The following JADE3 variants were observed in gnomAD, a reference collection of about 807,000 sequenced individuals.
JADE3 encodes the protein protein Jade-3.
JADE3 carries 2 observed loss-of-function variants against 50.1 expected under a neutral mutation model. That is an observed-to-expected ratio of 0.04 (90% confidence interval 0.02 to 0.13). JADE3 has a LOEUF of 0.13. JADE3 is among the 10% of genes least tolerant of loss of function. The pLI, the probability that JADE3 is intolerant of heterozygous loss-of-function variation, is 1.00. For missense variants in JADE3, 475 were observed against 634.4 expected (o/e 0.75, Z 2.70); for synonymous variants, 218 against 232.9 (o/e 0.94, Z 0.58).
chrX:47,033,692 G>T lies in JADE3; in HGVS notation c.759G>T (p.Pro253=). 1.2e-5 allele frequency: 14 copies of T among 1,206,164 alleles called. No homozygotes were observed. The highest frequency in any genetic ancestry group is 1.6e-5 in the Non-Finnish European group (14 of 892,484). ...GCTCCTGTGTCCTGGGCATTTATCC[G>T]CAATGTGTGTTATGTCCAAAGAAAG... ...LCRSCVLGIY[P]QCVLCPKKGG... Residue 253 remains proline (P), a synonymous_variant, in exon 7 of 11, where the codon CCG becomes CCT. Coordinates refer to ENST00000614628, the MANE Select transcript of JADE3 (RefSeq NM_014735.5).
intron 4 of JADE3, among the ~76,000 whole-genome samples, chrX:47,013,251 C>T (rs781877765): frequency 4.0e-4 from 45 of 111,556 alleles, no homozygotes; most frequent in Non-Finnish European, 7.7e-4. Flanking sequence ...TGGCCTCAAG[C>T]AGTTATCCCA....
chrX:47,009,265 TGAGCCACTGCAGGCTGCAGA>T (rs2147142683), intron 4 of JADE3, among the ~76,000 whole-genome samples: 1 of 110,942 alleles, frequency 9.0e-6, no homozygotes, highest in East Asian at 2.9e-4. Flanking sequence ...GAGGCTGCAG[TGAGCCACTGCAGGCTGCAGA>T]GAGTACCACT....
chrX:47,010,503 A>G (rs1456826899), intron 4 of JADE3, among the ~76,000 whole-genome samples: 12 of 112,384 alleles, frequency 1.1e-4, no homozygotes, highest in Admixed American at 9.4e-4. Context: ...GGCGTGAGCC[A>G]CCGCGCCCGG....
At chrX:46,966,187 GAGGA>G (rs782729706) in intron 1 of JADE3, among the ~76,000 whole-genome samples, 1 of 112,248 alleles carries the variant, frequency 8.9e-6, no homozygotes, top group South Asian at 3.7e-4. Flanking sequence ...TGATGGCATA[GAGGA>G]AGGTGCCAAC....
intron 1 of JADE3, among the ~76,000 whole-genome samples, chrX:46,936,917 G>T (rs1000787554): frequency 9.0e-6 from 1 of 111,441 alleles, no homozygotes; most frequent in Non-Finnish European, 1.9e-5. Context: ...TGGCTTCATC[G>T]ATTTTTCTCT....
At chrX:46,948,020 C>T (rs952792223) in intron 1 of JADE3, among the ~76,000 whole-genome samples, 8 of 111,437 alleles carry the variant, frequency 7.2e-5, no homozygotes, top group Non-Finnish European at 1.3e-4. Flanking sequence ...TATCTGATAC[C>T]ACAACTGTAT....
At chrX:46,940,360 G>A (rs1556342031) in intron 1 of JADE3, among the ~76,000 whole-genome samples, 1 of 112,242 alleles carries the variant, frequency 8.9e-6, no homozygotes, top group Non-Finnish European at 1.9e-5. Flanking sequence ...AAAAGTTGGA[G>A]TTGTTTCTAC....
intron 7 of JADE3, among the ~76,000 whole-genome samples, chrX:47,038,275 T>C (rs1556368541): frequency 8.9e-6 from 1 of 111,732 alleles, no homozygotes; most frequent in Non-Finnish European, 1.9e-5. Context: ...AGATACCTCT[T>C]TGATATACCG....
chrX:46,946,180 C>G (rs185583272), intron 1 of JADE3, among the ~76,000 whole-genome samples: 56 of 111,660 alleles, frequency 5.0e-4, no homozygotes, highest in African/African-American at 1.7e-3. Context: ...TAAAGACTTT[C>G]TTGCTATGAT....
intron 4 of JADE3, among the ~76,000 whole-genome samples, chrX:47,000,807 C>T (rs1556358863): frequency 9.0e-6 from 1 of 111,731 alleles, no homozygotes. Flanking sequence ...CCGCCTTGGC[C>T]TCCCAAGTGC....
chrX:46,937,282 G>A (rs5906297), intron 1 of JADE3, among the ~76,000 whole-genome samples: 36,601 of 110,486 alleles, frequency 0.33, 5,410 homozygotes, highest in Non-Finnish European at 0.45. Flanking sequence ...TTTATGGTCA[G>A]GGAACATGCT....
At chrX:47,045,835 C>A in intron 8 of JADE3, among the ~76,000 whole-genome samples, 1 of 104,200 alleles carries the variant, frequency 9.6e-6, no homozygotes, top group Non-Finnish European at 1.9e-5. Flanking sequence ...TTAAAACTGT[C>A]TTGAAACAAA....
rs782168941 is a variant in JADE3 at position 47,041,682 on chromosome X, C to CT, written c.972+2629dup. ...GGATTACAGGCATGAGCACTGTGCT[C>CT]TTTTTTTTTTTTGGTCCGAGTCTCT... On this transcript the variant is annotated intron_variant, in intron 8 of 10. Transcript: ENST00000614628. Among the ~76,000 whole-genome samples, 659 of 102,588 alleles carry CT rather than the reference C, an allele frequency of 6.4e-3. 1 individual carries two copies. Among genetic ancestry groups the CT allele is most frequent in the African/African-American group, 0.017 (478 of 28,361 alleles). The allele number at this position is 102,588 out of a possible 115,157, so 89.1% of individuals were successfully genotyped here.
intron 6 of JADE3, among the ~76,000 whole-genome samples, chrX:47,028,712 T>C (rs782072608): frequency 1.8e-5 from 2 of 111,388 alleles, no homozygotes; most frequent in Admixed American, 9.6e-5. Context: ...ATACTGCCTT[T>C]TTAATTAATA....
intron 8 of JADE3, among the ~76,000 whole-genome samples, chrX:47,045,682 AATC>A (rs1177137190): frequency 8.9e-6 from 1 of 112,537 alleles, no homozygotes; most frequent in Non-Finnish European, 1.9e-5. Flanking sequence ...TAAAAATTGA[AATC>A]ATCAATTATC....
At chrX:46,972,588 G>A (rs1038173711) in intron 1 of JADE3, among the ~76,000 whole-genome samples, 1 of 110,055 alleles carries the variant, frequency 9.1e-6, no homozygotes, top group African/African-American at 3.3e-5. Flanking sequence ...AGTGTTTGGA[G>A]AACTTGTAGT....
intron 1 of JADE3, among the ~76,000 whole-genome samples, chrX:46,929,098 C>T (rs1339916887): frequency 1.8e-5 from 2 of 111,227 alleles, no homozygotes; most frequent in Non-Finnish European, 3.8e-5. Flanking sequence ...TCTTCCCTGG[C>T]TCCAGTTTGG....
intron 1 of JADE3, among the ~76,000 whole-genome samples, chrX:46,934,302 ATT>A (rs1235983399): frequency 2.0e-5 from 2 of 101,608 alleles, no homozygotes; most frequent in Non-Finnish European, 2.0e-5. Flanking sequence ...CGCCTGGCAA[ATT>A]TTTTTTTTTT....
At chrX:47,001,262 C>G (rs1277086049) in intron 4 of JADE3, among the ~76,000 whole-genome samples, 1 of 111,431 alleles carries the variant, frequency 9.0e-6, no homozygotes, top group East Asian at 2.8e-4. Flanking sequence ...CTTGTTAGAA[C>G]AGATTTCTTA....
Sources: allele counts gnomAD v4.1 joint callset (sites outside exome capture counted in the v4.1 genomes callset), GRCh38; gene constraint gnomAD v4.1.1; transcripts MANE v1.5; gene names NCBI Gene and HGNC (gene_info 2026-07-23, HGNC 2026-07-21).